SAMD3: variants seen among roughly 807,000 people sequenced by gnomAD.
The protein encoded by SAMD3 is sterile alpha motif domain containing 3.
A neutral mutation model predicts 58.5 loss-of-function variants in SAMD3; 63 were observed. The observed-to-expected ratio is 1.08, with a 90% confidence interval of 0.88 to 1.33. SAMD3 has a LOEUF of 1.33. Ranked by LOEUF, SAMD3 falls within the 40% of genes most tolerant of loss-of-function variation. The pLI, the probability that SAMD3 is intolerant of heterozygous loss-of-function variation, is 0.00. For missense variants in SAMD3, 604 were observed against 608.4 expected (o/e 0.99, Z 0.08); for synonymous variants, 220 against 210.3 (o/e 1.05, Z -0.40).
At position 130,146,178 on chromosome 6, in the gene SAMD3, A is replaced by G. The variant is rs1224304115; in HGVS notation, c.1027T>C (p.Phe343Leu). The G allele has an allele frequency of 6.4e-7, 1 of 1,564,910 alleles. No homozygotes were observed. Among genetic ancestry groups the G allele is most frequent in the Non-Finnish European group, 8.6e-7 (1 of 1,157,320 alleles). Residue 343 changes from phenylalanine to leucine, a missense_variant, in exon 10 of 12, where the codon TTC (phenylalanine) becomes CTC (leucine). Transcript: ENST00000439090. ...FPFLKCPYQM[F>L]REFQLLTRTD... is the part of the protein sequence containing the mutation. ...CTTGTAAGAAGTTGGAATTCTCTGA[A>G]CATCTGACAAAAGAAGAAAGCAATG...
rs1794157634 is a variant in SAMD3, at chr6:130,196,768, C to T, written c.384-12145G>A. 2.0e-5 allele frequency among the ~76,000 whole-genome samples: 3 copies of T among 152,200 alleles called. No individual in the cohort carries two copies. In the South Asian group the frequency reaches 6.2e-4, roughly 31 times the overall value. On this transcript the variant is annotated intron_variant, in intron 5 of 11. Coordinates refer to ENST00000439090, the MANE Select transcript of SAMD3 (RefSeq NM_001017373.4). Reference sequence around the variant, plus strand: ...GGCAAATTAGCTTTACTCAACATGCCCCGAGTCAGATAACTAAAATACCTC... The same window carrying T: ...GGCAAATTAGCTTTACTCAACATGCTCCGAGTCAGATAACTAAAATACCTC...
chr6:130,162,605 T>C (rs1364150109), intron 8 of SAMD3, among the ~76,000 whole-genome samples: 3 of 152,156 alleles, frequency 2.0e-5, no homozygotes, highest in African/African-American at 7.2e-5. Flanking sequence ...GCTCCCAAAG[T>C]GCTGGGGTTA....
chr6:130,323,304 C>G (rs1046450830), intron 1 of SAMD3, among the ~76,000 whole-genome samples: 2 of 152,180 alleles, frequency 1.3e-5, no homozygotes, highest in African/African-American at 4.8e-5. Flanking sequence ...CATCCACACT[C>G]CTGGCTTCCC....
At chr6:130,363,809 T>C in intron 1 of SAMD3, among the ~76,000 whole-genome samples, 1 of 152,120 alleles carries the variant, frequency 6.6e-6, no homozygotes, top group East Asian at 1.9e-4. Context: ...CAGCAAAAAA[T>C]ATTATGTGTG....
At position 130,331,091 on chromosome 6, in the gene SAMD3, T is replaced by C. The variant is rs147873539; in HGVS notation, c.-303-17998A>G. Among the ~76,000 whole-genome samples the C allele has an allele frequency of 1.6e-3, 249 of 152,330 alleles. 2 individuals carry two copies. Among genetic ancestry groups the C allele is most frequent in the Admixed American group, 0.012 (181 of 15,296 alleles). ...GGAAGTTATAACTAAATCAAGGATA[T>C]TAGAGTACTAATATATGAGCAGAAA... is the stretch of plus-strand genomic sequence containing the variant. On this transcript the variant is annotated intron_variant, in intron 1 of 13. Transcript: ENST00000368134.
chr6:130,357,557 A>G (rs559886368), intron 1 of SAMD3, among the ~76,000 whole-genome samples: 32 of 152,204 alleles, frequency 2.1e-4, no homozygotes, highest in Admixed American at 2.6e-4. Context: ...TGTTATAACC[A>G]TTTCCCATTA....
intron 2 of SAMD3, among the ~76,000 whole-genome samples, chr6:130,268,534 A>G (rs1357995096): frequency 6.6e-6 from 1 of 152,200 alleles, no homozygotes; most frequent in African/African-American, 2.4e-5. Flanking sequence ...AGCAACTTCT[A>G]GCCTTGCAAG....
intron 3 of SAMD3, among the ~76,000 whole-genome samples, 180 bp from the exon 4 acceptor site, chr6:130,214,706 C>T (rs936316697): frequency 6.6e-6 from 1 of 152,046 alleles, no homozygotes; most frequent in Non-Finnish European, 1.5e-5. Context: ...CAAATCAATG[C>T]CTGCTCCTAA....
chr6:130,153,029 C>T (rs755794732), intron 9 of SAMD3, among the ~76,000 whole-genome samples: 1 of 152,220 alleles, frequency 6.6e-6, no homozygotes, highest in Non-Finnish European at 1.5e-5. Context: ...TCACAACAGC[C>T]TTACCAACCT....
intron 2 of SAMD3, among the ~76,000 whole-genome samples, chr6:130,308,596 G>A (rs1454708335): frequency 6.6e-6 from 1 of 151,936 alleles, no homozygotes; most frequent in African/African-American, 2.4e-5. Flanking sequence ...GGGCTAGTAA[G>A]TATTTTCTAG....
intron 5 of SAMD3, among the ~76,000 whole-genome samples, chr6:130,203,835 T>C (rs1417711028): frequency 6.6e-6 from 1 of 152,202 alleles, no homozygotes; most frequent in East Asian, 1.9e-4. Context: ...AATGAACCCA[T>C]AACTAGGCTG....
intron 1 of SAMD3, among the ~76,000 whole-genome samples, chr6:130,317,030 G>A (rs1057047282): frequency 6.6e-6 from 1 of 152,190 alleles, no homozygotes; most frequent in Non-Finnish European, 1.5e-5. Flanking sequence ...CTGACTCCTG[G>A]TCTGTGGATT....
chr6:130,321,089 G>T (rs1414530048), intron 1 of SAMD3, among the ~76,000 whole-genome samples: 1 of 152,146 alleles, frequency 6.6e-6, no homozygotes, highest in Non-Finnish European at 1.5e-5. Flanking sequence ...AGTGTGGGCT[G>T]GACCTAGTGA....
intron 5 of SAMD3, among the ~76,000 whole-genome samples, chr6:130,189,001 T>A (rs1446330938): frequency 2.0e-5 from 3 of 151,832 alleles, no homozygotes; most frequent in African/African-American, 7.2e-5. Flanking sequence ...CTATCATCAA[T>A]AATCTGTTCT....
intron 5 of SAMD3, among the ~76,000 whole-genome samples, chr6:130,204,596 C>CA (rs761986238): frequency 0.34 from 46,498 of 136,932 alleles, 8,680 homozygotes; most frequent in African/African-American, 0.46. Flanking sequence ...GACCCTATCT[C>CA]AAAAAAAGAA....
chr6:130,356,729 G>C (rs1304604212), intron 1 of SAMD3, among the ~76,000 whole-genome samples: 1 of 152,174 alleles, frequency 6.6e-6, no homozygotes, highest in Non-Finnish European at 1.5e-5. Flanking sequence ...TTCTCTGAGG[G>C]TGGAGCTCAT....
intron 2 of SAMD3, among the ~76,000 whole-genome samples, chr6:130,293,096 A>T (rs1775436711): frequency 6.6e-6 from 1 of 152,220 alleles, no homozygotes; most frequent in Non-Finnish European, 1.5e-5. Context: ...ATTTAAAATT[A>T]TGTTTCAAGA....
chr6:130,275,871 G>T (rs376472070), intron 2 of SAMD3, among the ~76,000 whole-genome samples: 1 of 151,874 alleles, frequency 6.6e-6, no homozygotes, highest in African/African-American at 2.4e-5. Context: ...GACCTTGCTC[G>T]GACATCTTTT....
chr6:130,212,694 T>C (rs1254177405), intron 4 of SAMD3, among the ~76,000 whole-genome samples: 2 of 152,214 alleles, frequency 1.3e-5, no homozygotes, highest in East Asian at 1.9e-4. Flanking sequence ...GCTAGTTCTC[T>C]TTTACTTGAG....
Sources: allele counts gnomAD v4.1 joint callset (sites outside exome capture counted in the v4.1 genomes callset), GRCh38; gene constraint gnomAD v4.1.1; transcripts MANE v1.5; gene names NCBI Gene and HGNC (gene_info 2026-07-23, HGNC 2026-07-21).